STRBP: variants seen among roughly 807,000 people sequenced by gnomAD.
The protein encoded by STRBP is spermatid perinuclear RNA-binding protein.
Under a neutral mutation model 80.1 loss-of-function variants are expected in STRBP, and 13 were observed. The ratio of observed to expected loss-of-function variants is 0.16; its 90% CI spans 0.11 to 0.26. The LOEUF is 0.26. Ranked by LOEUF, STRBP falls within the 10% of genes least tolerant of loss-of-function variation. The pLI is 1.00. For synonymous variants in STRBP, 284 were observed against 291.2 expected (o/e 0.98, Z 0.25); for missense variants, 485 against 815.2 (o/e 0.59, Z 4.93).
chr9:123,182,885 G>A (rs182355620), intron 3 of STRBP, among the ~76,000 whole-genome samples: 73 of 151,734 alleles, frequency 4.8e-4, no homozygotes, highest in African/African-American at 1.7e-3. Context: ...GGTGGCATGC[G>A]CCTATAAGGC....
intron 1 of STRBP, among the ~76,000 whole-genome samples, chr9:123,245,166 T>C (rs2040774204): frequency 6.6e-6 from 1 of 151,970 alleles, no homozygotes; most frequent in Non-Finnish European, 1.5e-5. Flanking sequence ...CACAACTACC[T>C]CAAAAAAAAA....
At chr9:123,142,661 T>C (rs1409286005) in intron 13 of STRBP, among the ~76,000 whole-genome samples, 1 of 152,176 alleles carries the variant, frequency 6.6e-6, no homozygotes, top group African/African-American at 2.4e-5. Flanking sequence ...AATCCTCACT[T>C]GTCCATGTTG....
chr9:123,185,073 T>C (rs1290447334), intron 2 of STRBP, among the ~76,000 whole-genome samples: 10 of 151,064 alleles, frequency 6.6e-5, no homozygotes, highest in Admixed American at 4.0e-4. Context: ...ATTATAAACC[T>C]AGCTACAAGA....
chr9:123,179,375 G>T (rs925547466), intron 3 of STRBP, 148 bp from the exon 4 acceptor site: 1 of 643,600 alleles, frequency 1.6e-6, no homozygotes, highest in South Asian at 2.2e-5. Flanking sequence ...CTGCTCCAGC[G>T]TGGGAAGTAA....
At chr9:123,227,100 G>T (rs1360448683) in intron 2 of STRBP, among the ~76,000 whole-genome samples, 3 of 152,178 alleles carry the variant, frequency 2.0e-5, no homozygotes, top group African/African-American at 7.2e-5. Context: ...AGTTGCTGCG[G>T]GGATTAAGTT....
chr9:123,228,338 G>C (rs1198583864), intron 2 of STRBP, among the ~76,000 whole-genome samples: 2 of 152,210 alleles, frequency 1.3e-5, no homozygotes, highest in African/African-American at 4.8e-5. Context: ...TTCAAGGATA[G>C]TACTTAAAGA....
intron 2 of STRBP, among the ~76,000 whole-genome samples, chr9:123,203,288 G>A (rs1486413470): frequency 4.6e-5 from 7 of 151,538 alleles, no homozygotes; most frequent in African/African-American, 9.7e-5. Context: ...TGAGGCTGCC[G>A]TGAGCTATGA....
chr9:123,170,058 C>G lies in STRBP; in HGVS notation c.391-12G>C, dbSNP rs777195150. On this transcript the variant is annotated splice_polypyrimidine_tract_variant and intron_variant, in intron 5 of 18. Coordinates refer to ENST00000348403, the MANE Select transcript of STRBP (RefSeq NM_018387.5). ...TCTTCTGTGAGTTTCTGAAAGTCAC[C>G]AAGATTTCAAAATCACCCAGTTAAT... The G allele has an allele frequency of 6.3e-7, 1 of 1,587,920 alleles. No individual in the cohort carries two copies. Among genetic ancestry groups the G allele is most frequent in the Non-Finnish European group, 8.6e-7 (1 of 1,169,158 alleles).
chr9:123,257,029 A>T (rs1283394142), intron 1 of STRBP, among the ~76,000 whole-genome samples: 1 of 152,066 alleles, frequency 6.6e-6, no homozygotes, highest in East Asian at 1.9e-4. Flanking sequence ...AGTCCTGATA[A>T]TGTCCTTTAT....
At chr9:123,187,626 A>G (rs1328161205) in intron 2 of STRBP, among the ~76,000 whole-genome samples, 1 of 152,236 alleles carries the variant, frequency 6.6e-6, no homozygotes, top group African/African-American at 2.4e-5. Context: ...TTATATATAA[A>G]GGAATGTGTG....
intron 3 of STRBP, among the ~76,000 whole-genome samples, chr9:123,182,218 A>T (rs1293092194): frequency 3.9e-4 from 3 of 7,720 alleles, no homozygotes; most frequent in Admixed American, 2.0e-3. Flanking sequence ...CCGTTTCTTT[A>T]AAAAAAAAAA....
chr9:123,130,119 T>G (rs2036072317), intron 17 of STRBP, among the ~76,000 whole-genome samples: 1 of 152,172 alleles, frequency 6.6e-6, no homozygotes, highest in Non-Finnish European at 1.5e-5. Context: ...GAGTCCTGAT[T>G]CTAACTTCAC....
rs779310167 is a variant in STRBP, at chr9:123,125,041, C to A, written c.*556G>T. 8.1e-6 allele frequency: 8 copies of A among 985,294 alleles called. No homozygotes were observed. Among genetic ancestry groups the A allele is most frequent in the Non-Finnish European group, 9.6e-6 (8 of 829,434 alleles). 61.0% of individuals were successfully genotyped at this position (985,294 alleles called of 1,614,324 possible). ...AAAAATAATAAGCTAAAACAATATT[C>A]AAACCCATATTTTATTGGCTTTATT... On this transcript the variant is annotated 3_prime_UTR_variant, in exon 19 of 19. Transcript: ENST00000348403.
intron 1 of STRBP, among the ~76,000 whole-genome samples, chr9:123,257,158 G>C (rs563094287): frequency 1.3e-5 from 2 of 151,886 alleles, no homozygotes; most frequent in African/African-American, 4.8e-5. Context: ...TTCATATATC[G>C]TATCGTCAAC....
intron 2 of STRBP, among the ~76,000 whole-genome samples, chr9:123,233,261 G>A (rs972003261): frequency 6.6e-6 from 1 of 151,080 alleles, no homozygotes; most frequent in Non-Finnish European, 1.5e-5. Context: ...TTTTAGAGAT[G>A]GGGGGGTCTC....
intron 1 of STRBP, among the ~76,000 whole-genome samples, chr9:123,254,096 T>G (rs1270481128): frequency 6.6e-6 from 1 of 152,038 alleles, no homozygotes; most frequent in Non-Finnish European, 1.5e-5. Flanking sequence ...TTATTAGGTG[T>G]AATAACACCC....
chr9:123,207,787 G>T (rs1168750697), intron 2 of STRBP, among the ~76,000 whole-genome samples: 1 of 139,422 alleles, frequency 7.2e-6, no homozygotes, highest in Non-Finnish European at 1.5e-5. Flanking sequence ...ATACATATCT[G>T]AGCTACTATT....
intron 2 of STRBP, among the ~76,000 whole-genome samples, chr9:123,204,160 A>G (rs564336341): frequency 6.6e-6 from 1 of 152,362 alleles, no homozygotes; most frequent in South Asian, 2.1e-4. Flanking sequence ...CGAATTTCTC[A>G]AAATATTTTC....
In STRBP at chr9:123,178,900, G is replaced by A. The variant is rs989413393; in HGVS notation, c.224+107C>T. On this transcript the variant is annotated intron_variant, in intron 4 of 18. Transcript: ENST00000348403. Reference sequence around the variant, plus strand: ...CTTCCTTGGTTATAGTCTCACATATGCATAAGACAAAATCCAAAAAACAGC... The same window carrying A: ...CTTCCTTGGTTATAGTCTCACATATACATAAGACAAAATCCAAAAAACAGC... 7 of 960,830 alleles carry A rather than the reference G, an allele frequency of 7.3e-6. No individual in the cohort carries two copies. The African/African-American group carries it at 9.7e-5, about 13-fold the overall frequency. The allele number at this position is 960,830 out of a possible 1,614,324, so 59.5% of individuals were successfully genotyped here.
Sources: allele counts gnomAD v4.1 joint callset (sites outside exome capture counted in the v4.1 genomes callset), GRCh38; gene constraint gnomAD v4.1.1; transcripts MANE v1.5; gene names NCBI Gene and HGNC (gene_info 2026-07-23, HGNC 2026-07-21).